The following IL1RAPL1 variants were observed in gnomAD, a reference collection of about 807,000 sequenced individuals.
The protein encoded by IL1RAPL1 is interleukin 1 receptor accessory protein like 1.
A neutral mutation model predicts 48.4 loss-of-function variants in IL1RAPL1; 3 were observed. The observed-to-expected ratio is 0.06, with a 90% CI of 0.03 to 0.16. IL1RAPL1 has a LOEUF of 0.16. Among genes scored for constraint, IL1RAPL1 ranks in the 10% least tolerant of loss-of-function variants. The pLI is 1.00. For synonymous variants in IL1RAPL1, 185 were observed against 187.7 expected, an observed-to-expected ratio of 0.99 and a Z score of 0.12; for missense variants, 349 against 530.6, an observed-to-expected ratio of 0.66 and a Z score of 3.36.
At chrX:29,948,551 G>A (rs1034000798) in intron 9 of IL1RAPL1, among the ~76,000 whole-genome samples, 1 of 111,400 alleles carries the variant, frequency 9.0e-6, no homozygotes, top group Non-Finnish European at 1.9e-5. Context: ...GAAAACTTGA[G>A]AAAGCATATG....
At chrX:29,843,905 T>G in intron 6 of IL1RAPL1, among the ~76,000 whole-genome samples, 1 of 110,830 alleles carries the variant, frequency 9.0e-6, no homozygotes, top group Non-Finnish European at 1.9e-5. Context: ...CACCCAGATA[T>G]TCCAGGCTTG....
At chrX:29,284,843 T>G (rs1228565438) in intron 3 of IL1RAPL1, among the ~76,000 whole-genome samples, 4 of 112,390 alleles carry the variant, frequency 3.6e-5, no homozygotes, top group African/African-American at 3.2e-5. Context: ...ACATAACTCT[T>G]AATAAAAGTA....
At chrX:29,431,294 C>CT (rs1934420072) in intron 5 of IL1RAPL1, among the ~76,000 whole-genome samples, 1 of 111,843 alleles carries the variant, frequency 8.9e-6, no homozygotes, top group Non-Finnish European at 1.9e-5. Flanking sequence ...TCACATCTTC[C>CT]TTTTTTGATT....
At chrX:29,393,705 CCTTT>C (rs1182019525) in intron 3 of IL1RAPL1, among the ~76,000 whole-genome samples, 1 of 97,593 alleles carries the variant, frequency 1.0e-5, no homozygotes, top group Non-Finnish European at 2.2e-5. Flanking sequence ...CCTTAAAAGG[CCTTT>C]CTGTTTTTGT....
intron 2 of IL1RAPL1, among the ~76,000 whole-genome samples, chrX:29,241,167 G>A (rs142375478): frequency 2.7e-5 from 3 of 111,646 alleles, no homozygotes; most frequent in African/African-American, 9.8e-5. Context: ...AACTAATAGA[G>A]TCATACAATA....
rs750121016 is a variant in IL1RAPL1, at chrX:28,606,982, C to T, written c.-25+18935C>T. On this transcript the variant is annotated intron_variant, in intron 1 of 10. Transcript: ENST00000378993. ...GGATTCAATAGAAAATAAATACTTT[C>T]TTTTTCCATCTTCATTTGTGAAAAT... is the stretch of plus-strand genomic sequence containing the variant. 5.4e-5 allele frequency among the ~76,000 whole-genome samples: 6 copies of T among 111,095 alleles called. No homozygotes were observed. The East Asian group carries it at 1.7e-3, about 31-fold the overall frequency.
chrX:28,796,689 G>C (rs768154461), intron 2 of IL1RAPL1, among the ~76,000 whole-genome samples: 1 of 111,331 alleles, frequency 9.0e-6, no homozygotes, highest in African/African-American at 3.3e-5. Context: ...CCTCCCAGCT[G>C]CTTTCACGGG....
At chrX:29,331,164 G>A (rs755770735) in intron 3 of IL1RAPL1, among the ~76,000 whole-genome samples, 7 of 111,358 alleles carry the variant, frequency 6.3e-5, no homozygotes, top group South Asian at 3.8e-4. Context: ...GCGAAACTCC[G>A]TCTAAAAAAT....
chrX:29,760,499 G>A (rs1344774595), intron 6 of IL1RAPL1, among the ~76,000 whole-genome samples: 1 of 111,848 alleles, frequency 8.9e-6, no homozygotes, highest in East Asian at 2.8e-4. Flanking sequence ...TAGTCTGCCA[G>A]TGAACTCCAT....
At chrX:28,836,098 A>T (rs1921199583) in intron 2 of IL1RAPL1, among the ~76,000 whole-genome samples, 2 of 110,131 alleles carry the variant, frequency 1.8e-5, no homozygotes, top group Non-Finnish European at 3.8e-5. Context: ...AACATACGTA[A>T]GCTTCAGTGA....
chrX:29,701,322 G>T (rs1345814289), intron 6 of IL1RAPL1, among the ~76,000 whole-genome samples: 1 of 111,867 alleles, frequency 8.9e-6, no homozygotes, highest in Non-Finnish European at 1.9e-5. Context: ...TAACTTATGG[G>T]ATTGTTGAGA....
At chrX:29,307,663 A>AT (rs148539801) in intron 3 of IL1RAPL1, among the ~76,000 whole-genome samples, 3 of 110,306 alleles carry the variant, frequency 2.7e-5, no homozygotes, top group Non-Finnish European at 5.7e-5. Flanking sequence ...TCATTTGTAC[A>AT]TTTTTTTCCC....
chrX:29,950,634 C>A (rs1004249445), intron 9 of IL1RAPL1, among the ~76,000 whole-genome samples: 1 of 110,567 alleles, frequency 9.0e-6, no homozygotes, highest in African/African-American at 3.3e-5. Context: ...AGTCTGAAAA[C>A]CACTTTCCTA....
chrX:29,256,881 C>A (rs934163734), intron 2 of IL1RAPL1, among the ~76,000 whole-genome samples: 1 of 110,997 alleles, frequency 9.0e-6, no homozygotes, highest in Non-Finnish European at 1.9e-5. Flanking sequence ...ATTGAGGAGA[C>A]CTTAGGCTGA....
chrX:28,721,020 G>C (rs776604792), intron 1 of IL1RAPL1, among the ~76,000 whole-genome samples: 11 of 112,274 alleles, frequency 9.8e-5, no homozygotes, highest in Admixed American at 9.4e-4. Flanking sequence ...TTGGTTCCAA[G>C]TCTTTGCTAT....
chrX:28,633,372 T>C (rs1329900451), intron 1 of IL1RAPL1, among the ~76,000 whole-genome samples: 1 of 111,500 alleles, frequency 9.0e-6, no homozygotes, highest in Non-Finnish European at 1.9e-5. Context: ...ATGAGGTTTG[T>C]AATTTTGGCA....
chrX:29,561,189 G>A (rs1225985660), intron 5 of IL1RAPL1, among the ~76,000 whole-genome samples: 3 of 112,157 alleles, frequency 2.7e-5, no homozygotes, highest in Non-Finnish European at 5.6e-5. Context: ...GTTTTTCCTA[G>A]GGCATTGCCC....
intron 5 of IL1RAPL1, among the ~76,000 whole-genome samples, chrX:29,499,983 CT>C (rs1298366145): frequency 1.0e-4 from 11 of 105,184 alleles, no homozygotes; most frequent in Admixed American, 1.0e-4. Flanking sequence ...TTTTCTTTTT[CT>C]TTTTTTTTTG....
intron 1 of IL1RAPL1, among the ~76,000 whole-genome samples, chrX:28,701,974 T>G (rs73630071): frequency 8.9e-6 from 1 of 111,793 alleles, no homozygotes; most frequent in African/African-American, 3.3e-5. Context: ...CAAATAACCA[T>G]TCTATACTAC....
Sources: gnomAD v4.1 joint callset for allele counts (sites outside exome capture counted in the v4.1 genomes callset) on GRCh38, gnomAD v4.1.1 for gene constraint, MANE v1.5 for transcripts, NCBI Gene and HGNC (gene_info 2026-07-23, HGNC 2026-07-21) for gene names.